SLC22A14: variants seen among roughly 807,000 people sequenced by gnomAD.
SLC22A14 encodes solute carrier family 22 member 14.
In SLC22A14, 50 loss-of-function variants were observed where a neutral mutation model predicts 53.9. The ratio of observed to expected loss-of-function variants is 0.93; its 90% CI spans 0.74 to 1.17. SLC22A14 has a LOEUF of 1.17. Among genes scored for constraint, SLC22A14 ranks in the 50% most tolerant of loss-of-function variants. SLC22A14 has a pLI of 0.00. For synonymous variants in SLC22A14, 312 were observed against 303.0 expected (o/e 1.03, Z -0.31); for missense variants, 671 against 734.7 (o/e 0.91, Z 1.00).
Position 38,307,705 on chromosome 3 carries a change from A to G in SLC22A14, c.760A>G (p.Ser254Gly), listed in dbSNP as rs1027770575. Residue 254 changes from serine to glycine, a missense_variant, in exon 4 of 11, where the codon AGC becomes GGC. Coordinates refer to ENST00000448498, the MANE Select transcript of SLC22A14 (RefSeq NM_001320033.2). This position sits in a 1 kb window ranked among gnomAD's most constrained non-coding sequence, Gnocchi z 4.4. Reference protein sequence around the residue: ...ISQSVVGYAISSISLATEWLV... With the variant: ...ISQSVVGYAIGSISLATEWLV... Reference sequence around the variant, plus strand: ...GCAGTCAGTGGTGGGCTACGCCATCAGCAGCATTTCTTTGGGTGAGACTGG... The same window carrying G: ...GCAGTCAGTGGTGGGCTACGCCATCGGCAGCATTTCTTTGGGTGAGACTGG... The G allele has an allele frequency of 6.2e-6, 10 of 1,614,162 alleles. No individual in the cohort carries two copies. The highest frequency in any genetic ancestry group is 4.0e-5 in the African/African-American group (3 of 75,052).
chr3:38,297,533 A>G (rs889382544), intron 1 of SLC22A14, among the ~76,000 whole-genome samples: 2 of 152,126 alleles, frequency 1.3e-5, no homozygotes, highest in Non-Finnish European at 2.9e-5. Context: ...AATGTGTCCC[A>G]TGGTGGTTTG....
At chr3:38,314,530 A>G (rs1161464226) in intron 8 of SLC22A14, among the ~76,000 whole-genome samples, 5 of 152,214 alleles carry the variant, frequency 3.3e-5, no homozygotes, top group Non-Finnish European at 4.4e-5. Context: ...AATCTCAAAG[A>G]GCCCTAAACA....
intron 1 of SLC22A14, among the ~76,000 whole-genome samples, chr3:38,287,544 T>G (rs779240380): frequency 2.6e-5 from 4 of 152,222 alleles, no homozygotes; most frequent in Non-Finnish European, 4.4e-5. Flanking sequence ...ATCAAAACTT[T>G]AAATTTGCAT....
At chr3:38,288,899 A>G (rs4955392) in intron 1 of SLC22A14, among the ~76,000 whole-genome samples, 9,821 of 152,148 alleles carry the variant, frequency 0.065, 374 homozygotes, top group East Asian at 0.16. Flanking sequence ...AAGTTGTGAG[A>G]CTGGGCACAG....
chr3:38,315,414 C>T (rs2125893406), intron 8 of SLC22A14, 144 bp from the exon 9 acceptor site: 1 of 839,622 alleles, frequency 1.2e-6, no homozygotes, highest in South Asian at 1.7e-5. Context: ...TCCAGCCTGG[C>T]TGGGCCTCTG....
At chr3:38,308,522 C>T (rs763832592) in intron 4 of SLC22A14, among the ~76,000 whole-genome samples, 7 of 152,226 alleles carry the variant, frequency 4.6e-5, no homozygotes, top group African/African-American at 7.2e-5. Flanking sequence ...CCTAGTTGCT[C>T]GGGGTTTCCT....
At position 38,307,430 on chromosome 3, in the gene SLC22A14, G is replaced by A; in HGVS notation, c.620+73G>A. The A allele has an allele frequency of 6.5e-7, 1 of 1,527,784 alleles. No homozygotes were observed. Among genetic ancestry groups the A allele is most frequent in the Admixed American group, 1.7e-5 (1 of 59,880 alleles). 94.6% of individuals were successfully genotyped at this position (1,527,784 alleles called of 1,614,324 possible). On this transcript the variant is annotated intron_variant, in intron 3 of 10. Coordinates refer to ENST00000448498, the MANE Select transcript of SLC22A14 (RefSeq NM_001320033.2). This position sits in a 1 kb window ranked among gnomAD's most constrained non-coding sequence, Gnocchi z 4.4. ...CCTCATGGGCATTCAGGGTTGGAGT[G>A]TGTCAGGCTGAGGGAGGTGAGGGTA...
chr3:38,314,976 G>A (rs1704579672), intron 8 of SLC22A14, among the ~76,000 whole-genome samples: 1 of 152,248 alleles, frequency 6.6e-6, no homozygotes, highest in East Asian at 1.9e-4. Flanking sequence ...TCCTGCAGAG[G>A]CTGACAGGCA....
chr3:38,290,073 T>C (rs1400923779), intron 1 of SLC22A14, among the ~76,000 whole-genome samples: 1 of 152,206 alleles, frequency 6.6e-6, no homozygotes, highest in Non-Finnish European at 1.5e-5. Flanking sequence ...TAGTCGGGTG[T>C]GAGCTAAGTT....
At chr3:38,304,994 C>A (rs1273306880) in intron 1 of SLC22A14, among the ~76,000 whole-genome samples, 2 of 152,142 alleles carry the variant, frequency 1.3e-5, no homozygotes, top group African/African-American at 2.4e-5. Context: ...ATTTGTTTAA[C>A]TTTCCTCTTA....
At chr3:38,317,761 C>G (rs1296374455) in intron 10 of SLC22A14, among the ~76,000 whole-genome samples, 1 of 152,228 alleles carries the variant, frequency 6.6e-6, no homozygotes. Context: ...CATGCCTTAT[C>G]TCGCTCTATC....
At chr3:38,295,507 A>G (rs965888242) in intron 1 of SLC22A14, among the ~76,000 whole-genome samples, 3 of 148,272 alleles carry the variant, frequency 2.0e-5, no homozygotes, top group Non-Finnish European at 4.5e-5. Context: ...CAGTGGTCTC[A>G]GTGTTTTTTT....
chr3:38,302,365 A>G (rs1212800586), intron 1 of SLC22A14, among the ~76,000 whole-genome samples: 3 of 64,630 alleles, frequency 4.6e-5, no homozygotes, highest in African/African-American at 1.5e-4. Context: ...TAGTAAAACC[A>G]TCTTTGCATT....
intron 9 of SLC22A14, among the ~76,000 whole-genome samples, 177 bp downstream of exon 9, chr3:38,315,888 C>G (rs531557320): frequency 6.6e-6 from 1 of 152,374 alleles, no homozygotes. Context: ...ATCACTAACC[C>G]TATTTCAGAT....
At chr3:38,295,128 C>A (rs1704000746) in intron 1 of SLC22A14, among the ~76,000 whole-genome samples, 1 of 152,176 alleles carries the variant, frequency 6.6e-6, no homozygotes, top group Non-Finnish European at 1.5e-5. Flanking sequence ...CTGGGAGAAA[C>A]CATCTATTGT....
At chr3:38,292,456 A>G (rs776546643) in intron 1 of SLC22A14, among the ~76,000 whole-genome samples, 3 of 152,162 alleles carry the variant, frequency 2.0e-5, no homozygotes, top group Non-Finnish European at 2.9e-5. Context: ...CAACAGCCTC[A>G]TTGATAATCC....
Position 38,318,406 on chromosome 3 carries a change from G to A in SLC22A14, c.*157G>A. The A allele has an allele frequency of 1.4e-6, 1 of 694,324 alleles. No homozygotes were observed. Among genetic ancestry groups the A allele is most frequent in the Non-Finnish European group, 2.6e-6 (1 of 387,060 alleles). 43.0% of individuals were successfully genotyped at this position (694,324 alleles called of 1,614,324 possible). On this transcript the variant is annotated 3_prime_UTR_variant, in exon 11 of 11. Transcript: ENST00000448498. The stretch of plus-strand genomic sequence containing the variant: ...AGACCATCTTGGGTTGGAATTGAGT[G>A]GCCAAGTATGGGGTCATGGATTCCA...
chr3:38,282,570 G>A (rs181059342), intron 1 of SLC22A14, among the ~76,000 whole-genome samples: 8 of 152,322 alleles, frequency 5.3e-5, no homozygotes, highest in Non-Finnish European at 1.0e-4. Flanking sequence ...TCCTGCGGCA[G>A]GTGGAGTGCT....
chr3:38,291,729 G>T (rs938638931), intron 1 of SLC22A14, among the ~76,000 whole-genome samples: 1 of 152,166 alleles, frequency 6.6e-6, no homozygotes, highest in Non-Finnish European at 1.5e-5. Flanking sequence ...GTCTTGCCCC[G>T]TTGGCAAGTT....
Sources: allele counts gnomAD v4.1 joint callset (sites outside exome capture counted in the v4.1 genomes callset), GRCh38; gene constraint gnomAD v4.1.1; non-coding constraint Gnocchi (gnomAD v3.1); transcripts MANE v1.5; gene names NCBI Gene and HGNC (gene_info 2026-07-23, HGNC 2026-07-21).